Variants in LIMCH1 observed in about 807,000 individuals in gnomAD.
LIMCH1 encodes the protein LIM and calponin homology domains-containing protein 1.
Under a neutral mutation model 176.5 loss-of-function variants are expected in LIMCH1, and 113 were observed. The observed-to-expected ratio is 0.64, with a 90% CI of 0.55 to 0.75. LIMCH1 has a LOEUF of 0.75. Ranked by LOEUF, LIMCH1 falls within the 30% of genes least tolerant of loss-of-function variation. LIMCH1 has a pLI of 0.00. For missense variants in LIMCH1, 1,674 were observed against 1,814.9 expected (o/e 0.92, Z 1.41); for synonymous variants, 619 against 645.9 (o/e 0.96, Z 0.63).
At chr4:41,425,852 C>G (rs1162155073) in intron 1 of LIMCH1, among the ~76,000 whole-genome samples, 1 of 152,140 alleles carries the variant, frequency 6.6e-6, no homozygotes, top group East Asian at 1.9e-4. Context: ...TATGCAGACA[C>G]TTAAACTTCT....
chr4:41,490,585 C>T (rs541940129), intron 1 of LIMCH1, among the ~76,000 whole-genome samples: 21 of 152,112 alleles, frequency 1.4e-4, no homozygotes, highest in Non-Finnish European at 2.6e-4. Context: ...TCAGAGAGCA[C>T]GGGGTTGGGG....
In LIMCH1 at chr4:41,644,485, T is replaced by C. The variant is rs530597278; in HGVS notation, c.2127-15T>C. On this transcript the variant is annotated splice_polypyrimidine_tract_variant and intron_variant, in intron 14 of 31. Coordinates refer to ENST00000503057, the MANE Select transcript of LIMCH1 (RefSeq NM_001330672.2). ...TGATCGCGGTCCCTCTTGTGTTCGC[T>C]CTCTCCACACTCAGGAGCACCAGCA... is the stretch of plus-strand genomic sequence containing the variant. 1.3e-6 allele frequency: 2 copies of C among 1,521,982 alleles called. No homozygotes were observed. The highest frequency in any genetic ancestry group is 1.8e-6 in the Non-Finnish European group (2 of 1,131,050). The allele number at this position is 1,521,982 out of a possible 1,614,324, so 94.3% of individuals were successfully genotyped here.
chr4:41,576,350 A>G (rs1348110008), intron 1 of LIMCH1, among the ~76,000 whole-genome samples: 1 of 152,242 alleles, frequency 6.6e-6, no homozygotes, highest in East Asian at 1.9e-4. Flanking sequence ...TATGTCAGAA[A>G]AAATGAAAAT....
intron 18 of LIMCH1, among the ~76,000 whole-genome samples, chr4:41,660,824 T>C (rs1437571777): frequency 6.6e-6 from 1 of 152,070 alleles, no homozygotes; most frequent in Admixed American, 6.6e-5. Context: ...CAGGGTCCAG[T>C]TGAAATCTTT....
intron 2 of LIMCH1, among the ~76,000 whole-genome samples, chr4:41,599,603 T>G (rs1282628928): frequency 6.6e-6 from 1 of 152,230 alleles, no homozygotes; most frequent in East Asian, 1.9e-4. Flanking sequence ...CAGTGTACTT[T>G]GTGTAAAGAA....
intron 21 of LIMCH1, among the ~76,000 whole-genome samples, 157 bp from the exon 22 acceptor site, chr4:41,671,395 CAA>C (rs1210248941): frequency 7.8e-6 from 1 of 128,510 alleles, no homozygotes; most frequent in Non-Finnish European, 1.6e-5. Context: ...CTTGACTTAC[CAA>C]ACACACACAC....
chr4:41,563,169 G>A (rs914038514), intron 1 of LIMCH1, among the ~76,000 whole-genome samples: 3 of 152,048 alleles, frequency 2.0e-5, no homozygotes, highest in African/African-American at 7.3e-5. Flanking sequence ...TGCCATCACC[G>A]ACCAGCTCTG....
At chr4:41,659,003 C>A (rs554453266) in intron 18 of LIMCH1, among the ~76,000 whole-genome samples, 1 of 152,162 alleles carries the variant, frequency 6.6e-6, no homozygotes, top group Non-Finnish European at 1.5e-5. Flanking sequence ...AAAATACCAT[C>A]ATGTATTAAT....
At chr4:41,643,715 AT>A (rs1277707892) in intron 14 of LIMCH1, among the ~76,000 whole-genome samples, 3 of 152,234 alleles carry the variant, frequency 2.0e-5, no homozygotes, top group Non-Finnish European at 4.4e-5. Flanking sequence ...CCTGACAAAA[AT>A]TAAATGACTG....
intron 23 of LIMCH1, 64 bp from the exon 24 acceptor site, chr4:41,679,942 G>A (rs1714289046): frequency 9.3e-7 from 1 of 1,074,102 alleles, no homozygotes; most frequent in South Asian, 1.4e-5. Flanking sequence ...TGGTTTAGGG[G>A]GGAAAATTCC....
intron 1 of LIMCH1, among the ~76,000 whole-genome samples, chr4:41,596,330 A>T (rs923695036): frequency 2.6e-5 from 4 of 151,424 alleles, no homozygotes; most frequent in Admixed American, 2.6e-4. Flanking sequence ...CTGTCTCTGG[A>T]AAATGATGTG....
intron 6 of LIMCH1, 35 bp downstream of exon 6, chr4:41,619,475 T>C (rs768805328): frequency 1.3e-6 from 2 of 1,599,524 alleles, no homozygotes; most frequent in Non-Finnish European, 1.7e-6. Flanking sequence ...CTTCCTGGCT[T>C]GGGCATGAGT....
chr4:41,540,727 A>C (rs550549676), intron 1 of LIMCH1, among the ~76,000 whole-genome samples: 1 of 152,326 alleles, frequency 6.6e-6, no homozygotes. Flanking sequence ...AAGAAAAAAA[A>C]AGAATAATAA....
In LIMCH1 at chr4:41,626,700, C is replaced by G; in HGVS notation, c.726-8C>G. ...CATGTGGAGTCCCATTTAATTTTCC[C>G]CTATCAGTCAAAAACAATTAAGTGA... On this transcript the variant is annotated splice_region_variant and splice_polypyrimidine_tract_variant and intron_variant, in intron 7 of 31. Coordinates refer to ENST00000503057, the MANE Select transcript of LIMCH1 (RefSeq NM_001330672.2). The G allele has an allele frequency of 6.5e-7, 1 of 1,532,704 alleles. No individual in the cohort carries two copies. The highest frequency in any genetic ancestry group is 8.7e-7 in the Non-Finnish European group (1 of 1,144,266). The allele number at this position is 1,532,704 out of a possible 1,614,324, so 94.9% of individuals were successfully genotyped here. A position where few individuals can be genotyped will look rare whatever the true frequency, so the allele number is the denominator to read the frequency against.
At chr4:41,545,953 T>C (rs1215905109) in intron 1 of LIMCH1, among the ~76,000 whole-genome samples, 1 of 152,170 alleles carries the variant, frequency 6.6e-6, no homozygotes, top group Non-Finnish European at 1.5e-5. Context: ...TTGGGGTGAA[T>C]GCTTTATGAA....
intron 18 of LIMCH1, among the ~76,000 whole-genome samples, chr4:41,660,624 A>G (rs559320202): frequency 1.8e-4 from 27 of 152,344 alleles, no homozygotes; most frequent in Non-Finnish European, 2.9e-4. Flanking sequence ...ATGTGATGGG[A>G]AGAACTGCTG....
chr4:41,479,246 C>G lies in LIMCH1; in HGVS notation c.97-15290C>G, dbSNP rs139778283. 5.9e-3 allele frequency among the ~76,000 whole-genome samples: 904 copies of G among 152,220 alleles called. 39 individuals are homozygous for G. Among genetic ancestry groups the G allele is most frequent in the Admixed American group, 0.055 (835 of 15,294 alleles). ...ACCATTCCTTTATATAACCACCATG[C>G]CATTATCACTCTTTTTGTTTGTTCA... On this transcript the variant is annotated intron_variant, in intron 1 of 26. Transcript: ENST00000313860.
intron 5 of LIMCH1, among the ~76,000 whole-genome samples, chr4:41,616,187 G>A (rs1328086860): frequency 6.6e-6 from 1 of 152,110 alleles, no homozygotes; most frequent in Non-Finnish European, 1.5e-5. Context: ...AGGGAAACAA[G>A]TAATGAGAGA....
chr4:41,636,049 G>A (rs544268439), intron 13 of LIMCH1, among the ~76,000 whole-genome samples: 20 of 152,026 alleles, frequency 1.3e-4, no homozygotes, highest in Non-Finnish European at 2.8e-4. Context: ...TGGGACCACA[G>A]GCGTACACCA....
Sources: allele counts gnomAD v4.1 joint callset (sites outside exome capture counted in the v4.1 genomes callset), GRCh38; gene constraint gnomAD v4.1.1; transcripts MANE v1.5; gene names NCBI Gene and HGNC (gene_info 2026-07-23, HGNC 2026-07-21).